CMYA5: variants seen among roughly 807,000 people sequenced by gnomAD.
The protein encoded by CMYA5 is cardiomyopathy associated 5.
CMYA5 carries 246 observed loss-of-function variants against 318.9 expected under a neutral mutation model. That is an observed-to-expected ratio of 0.77 (90% confidence interval 0.70 to 0.86). The LOEUF (loss-of-function observed/expected upper bound fraction) is 0.86, where lower values mean the gene tolerates loss of function less well. Among genes scored for constraint, CMYA5 ranks in the 40% least tolerant of loss-of-function variants. The pLI is 0.00. For synonymous variants in CMYA5, 1,641 were observed against 1,729.5 expected, an observed-to-expected ratio of 0.95 and a Z score of 1.27; for missense variants, 4,589 against 4,678.2, an observed-to-expected ratio of 0.98 and a Z score of 0.56.
intron 9 of CMYA5, among the ~76,000 whole-genome samples, chr5:79,776,483 G>GC (rs1554037357): frequency 6.6e-6 from 1 of 151,134 alleles, no homozygotes; most frequent in African/African-American, 2.4e-5. Flanking sequence ...TTCTCAAGTA[G>GC]TTTTTTTTTC....
At position 79,799,873 on chromosome 5, in the gene CMYA5, A is replaced by ATACGGCGACCACCG; in HGVS notation, c.*257_*258insTACGGCGACCACCG. The stretch of plus-strand genomic sequence containing the variant: ...AAGTTTGAGTTCTTTCCTAAATTAA[A>ATACGGCGACCACCG]AGATCTACACTTGAGTTGGGAACCG... On this transcript the variant is annotated 3_prime_UTR_variant, in exon 13 of 13. Transcript: ENST00000446378. 7.0e-6 allele frequency: 1 copy of ATACGGCGACCACCG among 142,348 alleles called. No homozygotes were observed. Among genetic ancestry groups the ATACGGCGACCACCG allele is most frequent in the Non-Finnish European group, 1.4e-5 (1 of 72,556 alleles). The allele number at this position is 142,348 out of a possible 1,614,324, so 8.8% of individuals were successfully genotyped here. A position where few individuals can be genotyped will look rare whatever the true frequency, so the allele number is the denominator to read the frequency against.
chr5:79,705,079 G>A (rs1420605760), intron 1 of CMYA5, among the ~76,000 whole-genome samples: 2 of 151,536 alleles, frequency 1.3e-5, no homozygotes, highest in East Asian at 1.9e-4. Flanking sequence ...GAGACCAGCC[G>A]GGCCTAGTAT....
intron 1 of CMYA5, among the ~76,000 whole-genome samples, chr5:79,704,192 G>T (rs1195114489): frequency 6.7e-6 from 1 of 149,716 alleles, no homozygotes; most frequent in East Asian, 2.0e-4. Flanking sequence ...TGGTATCTAA[G>T]ATGGTGTCCA....
chr5:79,795,938 G>T (rs1226437639), intron 12 of CMYA5, among the ~76,000 whole-genome samples: 2 of 152,210 alleles, frequency 1.3e-5, no homozygotes, highest in East Asian at 3.8e-4. Context: ...AGAGAGTCAG[G>T]CCCCACGCAG....
At chr5:79,727,568 G>C (rs1247635420) in intron 1 of CMYA5, among the ~76,000 whole-genome samples, 1 of 152,142 alleles carries the variant, frequency 6.6e-6, no homozygotes, top group Non-Finnish European at 1.5e-5. Context: ...CAGTAGCTGG[G>C]CTTCATCTTG....
At chr5:79,749,423 A>C (rs1828390813) in intron 5 of CMYA5, among the ~76,000 whole-genome samples, 1 of 151,210 alleles carries the variant, frequency 6.6e-6, no homozygotes, top group South Asian at 2.1e-4. Flanking sequence ...AATTATCTAC[A>C]GTTGGCCCTT....
chr5:79,721,248 C>G (rs1183295670), intron 1 of CMYA5, among the ~76,000 whole-genome samples: 1 of 151,996 alleles, frequency 6.6e-6, no homozygotes, highest in Non-Finnish European at 1.5e-5. Flanking sequence ...CTTTGTGAAG[C>G]TAAGGTGAGA....
At chr5:79,775,897 A>G (rs569896034) in intron 9 of CMYA5, among the ~76,000 whole-genome samples, 149 of 152,304 alleles carry the variant, frequency 9.8e-4, no homozygotes, top group Non-Finnish European at 1.7e-3. Context: ...GAATGTTACT[A>G]AGCTCCTGGG....
Position 79,734,104 on chromosome 5 carries a change from C to G in CMYA5, c.5339C>G (p.Ala1780Gly). ...TTACCACCAACTGGAAATTTGAAGG[C>G]ACAAGTCATGGGAGATATTTTAGAT... ...GPLPPTGNLK[A>G]QVMGDILDKL... The change falls in exon 2 of 13, where the codon GCA (alanine) becomes GGA (glycine). Residue 1780 changes from alanine to glycine, a missense_variant. This residue lies in a region of CMYA5 where 2,132 missense variants were observed against 2,131.3 expected (regional missense o/e 1.00). Transcript: ENST00000446378. 6.2e-7 allele frequency: 1 copy of G among 1,613,730 alleles called. No homozygotes were observed. Among genetic ancestry groups the G allele is most frequent in the Non-Finnish European group, 8.5e-7 (1 of 1,179,804 alleles).
intron 9 of CMYA5, among the ~76,000 whole-genome samples, chr5:79,765,972 AC>A: frequency 6.6e-6 from 1 of 152,232 alleles, no homozygotes; most frequent in East Asian, 1.9e-4. Context: ...CTATTTGAAT[AC>A]CTTTTTTTCT....
intron 1 of CMYA5, among the ~76,000 whole-genome samples, chr5:79,711,134 C>A (rs1827381665): frequency 6.6e-6 from 1 of 151,686 alleles, no homozygotes; most frequent in Non-Finnish European, 1.5e-5. Context: ...TTGTTTTTTC[C>A]CCCTGTGGAA....
intron 1 of CMYA5, among the ~76,000 whole-genome samples, chr5:79,717,894 T>A (rs375650595): frequency 1.7e-4 from 8 of 46,486 alleles, no homozygotes; most frequent in African/African-American, 8.7e-4. Flanking sequence ...ATTTTTTTTT[T>A]TTTTTTTTTT....
chr5:79,741,561 C>T (rs1281875758), intron 2 of CMYA5, among the ~76,000 whole-genome samples: 1 of 152,098 alleles, frequency 6.6e-6, no homozygotes, highest in Non-Finnish European at 1.5e-5. Flanking sequence ...TTTGTTGAAA[C>T]TTTACTTGTT....
At position 79,689,952 on chromosome 5, in the gene CMYA5, C is replaced by T. The variant is rs551147574; in HGVS notation, c.45C>T (p.Gly15=). ...ACCACGCTGGCGAGAGCTTTCTCGG[C>T]TCCGACGGGGACGAGGAGGCGACCC... ...DSNHAGESFL[G]SDGDEEATRE... The change falls in exon 1 of 13, where the codon GGC becomes GGT. Residue 15 remains glycine (G), a synonymous_variant. Transcript: ENST00000446378. 1.3e-5 allele frequency: 14 copies of T among 1,102,004 alleles called. No homozygotes were observed. In the South Asian group the frequency reaches 1.5e-4, roughly 12 times the overall value. The allele number at this position is 1,102,004 out of a possible 1,614,324, so 68.3% of individuals were successfully genotyped here. A position where few individuals can be genotyped will look rare whatever the true frequency, so the allele number is the denominator to read the frequency against.
At chr5:79,745,154 CAAAAAA>C in intron 3 of CMYA5, 62 bp from the exon 4 acceptor site, 1 of 881,286 alleles carries the variant, frequency 1.1e-6, no homozygotes, top group Non-Finnish European at 1.7e-6. Context: ...CTGGTGTTTC[CAAAAAA>C]AAAAAAAAGC....
intron 7 of CMYA5, among the ~76,000 whole-genome samples, chr5:79,759,390 T>C (rs1017936298): frequency 6.6e-6 from 1 of 152,220 alleles, no homozygotes; most frequent in Admixed American, 6.5e-5. Flanking sequence ...CAGGTCTGTC[T>C]TTGCTAAAAG....
At chr5:79,726,363 AAGAG>A (rs1445993462) in intron 1 of CMYA5, among the ~76,000 whole-genome samples, 14 of 152,188 alleles carry the variant, frequency 9.2e-5, no homozygotes, top group African/African-American at 2.9e-4. Flanking sequence ...AGTGACATGG[AAGAG>A]AGAAGATGTA....
intron 11 of CMYA5, among the ~76,000 whole-genome samples, chr5:79,791,678 C>T (rs896502183): frequency 6.8e-6 from 1 of 146,716 alleles, no homozygotes; most frequent in Non-Finnish European, 1.5e-5. Context: ...TGAGATTGTG[C>T]CATTGCACTC....
At chr5:79,753,233 A>T (rs1828466106) in intron 6 of CMYA5, among the ~76,000 whole-genome samples, 1 of 151,976 alleles carries the variant, frequency 6.6e-6, no homozygotes, top group Non-Finnish European at 1.5e-5. Flanking sequence ...CCCTTTTTTC[A>T]AACTAAACAG....
Sources: gnomAD v4.1 joint callset for allele counts (sites outside exome capture counted in the v4.1 genomes callset) on GRCh38, gnomAD v4.1.1 for gene constraint, gnomAD v4.1.1 regional missense constraint, MANE v1.5 for transcripts, NCBI Gene and HGNC (gene_info 2026-07-23, HGNC 2026-07-21) for gene names.